The following SH3RF2 variants were observed in gnomAD, a reference collection of about 807,000 sequenced individuals.
SH3RF2 encodes SH3 domain containing ring finger 2, also known as E3 ubiquitin-protein ligase SH3RF2.
A neutral mutation model predicts 59.0 loss-of-function variants in SH3RF2; 43 were observed. The ratio of observed to expected loss-of-function variants is 0.73; its 90% CI spans 0.57 to 0.94. The LOEUF (loss-of-function observed/expected upper bound fraction) is 0.94. Among genes scored for constraint, SH3RF2 ranks in the 40% least tolerant of loss-of-function variants. The pLI is 0.00. For synonymous variants in SH3RF2, 391 were observed against 391.5 expected (o/e 1.00, Z 0.01); for missense variants, 930 against 940.1 (o/e 0.99, Z 0.14).
At chr5:146,069,408 C>T (rs1316899528) in intron 9 of SH3RF2, among the ~76,000 whole-genome samples, 1 of 152,160 alleles carries the variant, frequency 6.6e-6, no homozygotes, top group Non-Finnish European at 1.5e-5. Flanking sequence ...AAGTAACTCT[C>T]TGGGCCTTGC....
rs190852756 is a variant in SH3RF2 at position 146,071,215 on chromosome 5, T to A, written c.*34-7245T>A. On this transcript the variant is annotated intron_variant, in intron 9 of 9. Coordinates refer to the SH3RF2 transcript ENST00000511217. Reference sequence around the variant, plus strand: ...CTGGAGGTCCAAAAAGGAATTCAAATAAATAGTGCCTTCAAAAGGTTGTAC... The same window carrying A: ...CTGGAGGTCCAAAAAGGAATTCAAAAAAATAGTGCCTTCAAAAGGTTGTAC... 2.0e-5 allele frequency among the ~76,000 whole-genome samples: 3 copies of A among 152,314 alleles called. No individual in the cohort carries two copies. The East Asian group carries it at 5.8e-4, about 29-fold the overall frequency.
chr5:146,057,928 GTCTCTCTCTCTCTCTCTCTCTCTCTC>G, intron 8 of SH3RF2, among the ~76,000 whole-genome samples: 2 of 133,232 alleles, frequency 1.5e-5, no homozygotes, highest in South Asian at 5.0e-4. Flanking sequence ...GGCTGTTAGT[GTCTCTCTCTCTCTCTCTCTCTCTCTC>G]TCTCTCTCTC....
chr5:146,065,513 G>T (rs1763082054), downstream of SH3RF2, among the ~76,000 whole-genome samples: 1 of 152,202 alleles, frequency 6.6e-6, no homozygotes, highest in Admixed American at 6.5e-5. Flanking sequence ...TGGCTGACAA[G>T]CAGGGTGCTT....
intron 4 of SH3RF2, among the ~76,000 whole-genome samples, chr5:146,008,226 A>G (rs985609695): frequency 6.6e-6 from 1 of 152,124 alleles, no homozygotes; most frequent in Non-Finnish European, 1.5e-5. Context: ...AGTGGGTGCA[A>G]ATCTAAGAGA....
At chr5:145,946,007 A>G (rs1393676946) in intron 2 of SH3RF2, among the ~76,000 whole-genome samples, 2 of 152,236 alleles carry the variant, frequency 1.3e-5, no homozygotes, top group Admixed American at 6.5e-5. Flanking sequence ...CCTAGCACAC[A>G]TGAACACCAG....
At chr5:146,051,538 G>C (rs1762497394) in intron 7 of SH3RF2, among the ~76,000 whole-genome samples, 1 of 152,160 alleles carries the variant, frequency 6.6e-6, no homozygotes, top group South Asian at 2.1e-4. Flanking sequence ...TTTTCTAAAA[G>C]ATAAAATGTC....
At chr5:145,990,703 AC>A in intron 2 of SH3RF2, among the ~76,000 whole-genome samples, 1 of 152,254 alleles carries the variant, frequency 6.6e-6, no homozygotes, top group East Asian at 1.9e-4. Flanking sequence ...TAGGTGAATT[AC>A]AAAAGCATAG....
At chr5:145,967,141 TA>T (rs1199170542) in intron 2 of SH3RF2, among the ~76,000 whole-genome samples, 1 of 152,218 alleles carries the variant, frequency 6.6e-6, no homozygotes, top group Non-Finnish European at 1.5e-5. Flanking sequence ...GAAACAATGA[TA>T]TTAGAACAGA....
At chr5:145,960,752 T>C (rs1758600866) in intron 2 of SH3RF2, among the ~76,000 whole-genome samples, 1 of 152,124 alleles carries the variant, frequency 6.6e-6, no homozygotes, top group Non-Finnish European at 1.5e-5. Context: ...TTTTTACCCA[T>C]GGAAGTCTAC....
intron 2 of SH3RF2, among the ~76,000 whole-genome samples, chr5:145,954,437 AG>A (rs1381070317): frequency 6.6e-6 from 1 of 152,214 alleles, no homozygotes; most frequent in Non-Finnish European, 1.5e-5. Flanking sequence ...AGTTCCTTAT[AG>A]ATGCCAAATA....
intron 5 of SH3RF2, among the ~76,000 whole-genome samples, chr5:146,017,922 A>G (rs1458927124): frequency 6.6e-6 from 1 of 151,928 alleles, no homozygotes; most frequent in African/African-American, 2.4e-5. Context: ...TCCCCAAACC[A>G]TTAATGGATC....
At chr5:146,070,270 T>C (rs922492380) in intron 9 of SH3RF2, among the ~76,000 whole-genome samples, 1 of 152,152 alleles carries the variant, frequency 6.6e-6, no homozygotes, top group African/African-American at 2.4e-5. Flanking sequence ...TTGGAGAGCA[T>C]GGACAAATGA....
At chr5:146,064,802 A>C (rs1763047820), downstream of SH3RF2, among the ~76,000 whole-genome samples, 1 of 35,934 alleles carries the variant, frequency 2.8e-5, no homozygotes, top group Non-Finnish European at 6.1e-5. Context: ...GAAGGAAGGA[A>C]GGAAGGAAAG....
chr5:145,967,579 C>A (rs557424502), intron 2 of SH3RF2, among the ~76,000 whole-genome samples: 1 of 152,194 alleles, frequency 6.6e-6, no homozygotes, highest in Non-Finnish European at 1.5e-5. Context: ...TTGACCACAA[C>A]GTGGGACTGT....
chr5:145,965,407 G>A (rs986103529), intron 2 of SH3RF2, among the ~76,000 whole-genome samples: 1 of 152,014 alleles, frequency 6.6e-6, no homozygotes, highest in Non-Finnish European at 1.5e-5. Flanking sequence ...TAATTGATAA[G>A]CTGTGTTACA....
At chr5:146,064,867 AAAG>A (rs1763065414), downstream of SH3RF2, among the ~76,000 whole-genome samples, 2 of 148,734 alleles carry the variant, frequency 1.3e-5, no homozygotes, top group Non-Finnish European at 3.0e-5. Context: ...AAAGAAAGAG[AAAG>A]AAAAAGAAAA....
chr5:146,054,359 T>TTGCTGCTGC lies in SH3RF2; in HGVS notation c.1323-1617_1323-1609dup, dbSNP rs551128313. Among the ~76,000 whole-genome samples the TTGCTGCTGC allele has an allele frequency of 4.5e-3, 693 of 152,312 alleles. 7 individuals carry two copies. The highest frequency in any genetic ancestry group is 0.016 in the African/African-American group (660 of 41,550). ...GGGCCTAATTAGCTGTATGCTGCCC[T>TTGCTGCTGC]TGCTGCTGCTGCTACTGCTGCGAAA... On this transcript the variant is annotated intron_variant, in intron 7 of 9. Coordinates refer to ENST00000359120, the MANE Select transcript of SH3RF2 (RefSeq NM_152550.4).
chr5:146,017,926 A>T (rs1761167967), intron 5 of SH3RF2, among the ~76,000 whole-genome samples: 1 of 152,126 alleles, frequency 6.6e-6, no homozygotes, highest in African/African-American at 2.4e-5. Context: ...CAAACCATTA[A>T]TGGATCCCAT....
chr5:146,002,382 C>T (rs913357352), intron 3 of SH3RF2, among the ~76,000 whole-genome samples: 208 of 151,860 alleles, frequency 1.4e-3, no homozygotes, highest in African/African-American at 4.7e-3. Context: ...ACCCAGGAGG[C>T]GGAGGTTGCA....
Sources: allele counts gnomAD v4.1 joint callset (sites outside exome capture counted in the v4.1 genomes callset), GRCh38; gene constraint gnomAD v4.1.1; transcripts MANE v1.5; gene names NCBI Gene and HGNC (gene_info 2026-07-23, HGNC 2026-07-21).